The following CNBD1 variants were observed in gnomAD, a reference collection of about 807,000 sequenced individuals.
CNBD1 encodes the protein cyclic nucleotide-binding domain-containing protein 1.
A neutral mutation model predicts 54.4 loss-of-function variants in CNBD1; 71 were observed. The ratio of observed to expected loss-of-function variants is 1.30; its 90% CI spans 1.08 to 1.59. The LOEUF (loss-of-function observed/expected upper bound fraction) is 1.59. Among genes scored for constraint, CNBD1 ranks in the 40% most tolerant of loss-of-function variants. CNBD1 has a pLI of 0.00. For missense variants in CNBD1, 659 were observed against 518.0 expected (o/e 1.27, Z -2.64); for synonymous variants, 182 against 170.7 (o/e 1.07, Z -0.51).
intron 1 of CNBD1, 58 bp from the exon 2 acceptor site, chr8:86,887,484 A>C: frequency 1.9e-6 from 2 of 1,065,926 alleles, no homozygotes; most frequent in Non-Finnish European, 2.8e-6. Context: ...CTCTATTTAC[A>C]CACTTGCTTA....
Position 87,325,141 on chromosome 8 carries a change from A to T in CNBD1, c.1043-26544A>T, listed in dbSNP as rs1234868364. ...AGTGAGATTCTTAATCCTGAGTTCT[A>T]GTTTGATTTCACTGTGGTCTGAGAG... On this transcript the variant is annotated intron_variant, in intron 8 of 10. Transcript: ENST00000518476. 2.1e-5 allele frequency among the ~76,000 whole-genome samples: 2 copies of T among 94,604 alleles called. 1 individual carries two copies. Among genetic ancestry groups the T allele is most frequent in the Non-Finnish European group, 4.1e-5 (2 of 48,518 alleles). 62.1% of individuals were successfully genotyped at this position (94,604 alleles called of 152,430 possible). A position where few individuals can be genotyped will look rare whatever the true frequency, so the allele number is the denominator to read the frequency against.
chr8:86,972,624 A>G lies in CNBD1; in HGVS notation c.431+32870A>G, dbSNP rs34931341. 7.5e-3 allele frequency among the ~76,000 whole-genome samples: 1,141 copies of G among 152,296 alleles called. 6 individuals are homozygous for G. The highest frequency in any genetic ancestry group is 0.018 in the South Asian group (85 of 4,830). ...TAATAGGTAAGATACACAGACACACACACACACATCTTCACCATTTTTCAC... is the reference window on the plus strand; with the variant it reads ...TAATAGGTAAGATACACAGACACACGCACACACATCTTCACCATTTTTCAC... On this transcript the variant is annotated intron_variant, in intron 4 of 10. Coordinates refer to ENST00000518476, the MANE Select transcript of CNBD1 (RefSeq NM_173538.3).
intron 4 of CNBD1, among the ~76,000 whole-genome samples, chr8:87,009,498 C>T (rs1809171453): frequency 6.6e-6 from 1 of 151,974 alleles, no homozygotes; most frequent in Non-Finnish European, 1.5e-5. Flanking sequence ...GATGGGGTTT[C>T]ACCATGTTAG....
intron 4 of CNBD1, among the ~76,000 whole-genome samples, chr8:87,005,603 C>G (rs954898619): frequency 6.6e-6 from 1 of 151,604 alleles, no homozygotes; most frequent in Non-Finnish European, 1.5e-5. Flanking sequence ...TTCTTTTGAC[C>G]TAGGAATTCA....
intron 4 of CNBD1, among the ~76,000 whole-genome samples, chr8:87,199,333 G>T (rs1212385961): frequency 6.6e-6 from 1 of 152,184 alleles, no homozygotes; most frequent in Non-Finnish European, 1.5e-5. Context: ...TTCAACAACA[G>T]ATTTGAGTTG....
intron 4 of CNBD1, among the ~76,000 whole-genome samples, chr8:86,970,965 A>G (rs1808206480): frequency 6.6e-6 from 1 of 152,102 alleles, no homozygotes; most frequent in Non-Finnish European, 1.5e-5. Flanking sequence ...ATTCTTTTTT[A>G]CAGATTACAG....
rs191048322 is a variant in CNBD1 at position 86,978,603 on chromosome 8, C to T, written c.431+38849C>T. On this transcript the variant is annotated intron_variant, in intron 4 of 10. Coordinates refer to ENST00000518476, the MANE Select transcript of CNBD1 (RefSeq NM_173538.3). Reference sequence around the variant, plus strand: ...TGTTGCCCAGGCTGGAGTGCAATGGCGCGATCTTGGCTCACTGCAACCTCC... The same window carrying T: ...TGTTGCCCAGGCTGGAGTGCAATGGTGCGATCTTGGCTCACTGCAACCTCC... 3.0e-4 allele frequency among the ~76,000 whole-genome samples: 42 copies of T among 139,330 alleles called. No homozygotes were observed. The East Asian group carries it at 7.9e-3, about 26-fold the overall frequency. The allele number at this position is 139,330 out of a possible 152,430, so 91.4% of individuals were successfully genotyped here.
Position 87,162,654 on chromosome 8 carries a change from T to C in CNBD1, c.432-43339T>C, listed in dbSNP as rs549734446. Reference sequence around the variant, plus strand: ...ACATAAATTAATTTTTCCACAGCTATGTAAGCTGGAAAGCCCAGATTAAGG... The same window carrying C: ...ACATAAATTAATTTTTCCACAGCTACGTAAGCTGGAAAGCCCAGATTAAGG... On this transcript the variant is annotated intron_variant, in intron 4 of 10. Coordinates refer to ENST00000518476, the MANE Select transcript of CNBD1 (RefSeq NM_173538.3). 1.1e-4 allele frequency among the ~76,000 whole-genome samples: 17 copies of C among 152,214 alleles called. No individual in the cohort carries two copies. In the East Asian group the frequency reaches 3.3e-3, roughly 29 times the overall value.
At chr8:86,921,484 A>G (rs1809275164) in intron 3 of CNBD1, among the ~76,000 whole-genome samples, 1 of 152,160 alleles carries the variant, frequency 6.6e-6, no homozygotes, top group Non-Finnish European at 1.5e-5. Flanking sequence ...GACACAACTG[A>G]GACTTGGTAA....
At chr8:87,394,545 G>A (rs1811374970) in intron 2 of CNBD1, among the ~76,000 whole-genome samples, 1 of 151,878 alleles carries the variant, frequency 6.6e-6, no homozygotes, top group Non-Finnish European at 1.5e-5. Flanking sequence ...AGAAAGGTTA[G>A]CACAATTATT....
rs1451627161 is a variant in CNBD1 at position 87,087,372 on chromosome 8, C to A, written c.432-118621C>A. Among the ~76,000 whole-genome samples, 4 of 148,886 alleles carry A rather than the reference C, an allele frequency of 2.7e-5. No individual in the cohort carries two copies. In the East Asian group the frequency reaches 5.9e-4, roughly 22 times the overall value. ...GGGGATGAAGAGAAATCACTGTTTA[C>A]TTTTAAAAACTAGAGCAAAATATGA... On this transcript the variant is annotated intron_variant, in intron 4 of 10. Coordinates refer to ENST00000518476, the MANE Select transcript of CNBD1 (RefSeq NM_173538.3).
chr8:87,045,402 A>C (rs559167565), intron 4 of CNBD1, among the ~76,000 whole-genome samples: 1 of 152,272 alleles, frequency 6.6e-6, no homozygotes, highest in African/African-American at 2.4e-5. Flanking sequence ...TTTGATTCTT[A>C]AGCACCTGTA....
intron 3 of CNBD1, among the ~76,000 whole-genome samples, chr8:86,912,784 T>C (rs1036866461): frequency 6.6e-6 from 1 of 152,126 alleles, no homozygotes; most frequent in Non-Finnish European, 1.5e-5. Context: ...ATTGTTATCA[T>C]AGGAAATGAC....
chr8:87,207,509 G>A (rs1169382325), intron 5 of CNBD1, among the ~76,000 whole-genome samples: 1 of 151,770 alleles, frequency 6.6e-6, no homozygotes, highest in African/African-American at 2.4e-5. Flanking sequence ...ATACAAGTGG[G>A]TCCAGAAGGA....
chr8:86,952,703 A>T (rs1807655837), intron 4 of CNBD1, among the ~76,000 whole-genome samples: 1 of 152,134 alleles, frequency 6.6e-6, no homozygotes, highest in Non-Finnish European at 1.5e-5. Context: ...CTTTTGATAC[A>T]TGTATAAAGG....
intron 8 of CNBD1, among the ~76,000 whole-genome samples, chr8:87,337,961 T>G (rs1809983165): frequency 6.6e-6 from 1 of 152,162 alleles, no homozygotes; most frequent in Admixed American, 6.5e-5. Flanking sequence ...GTCACCCTTG[T>G]TTTTCTATTT....
At chr8:87,143,167 C>A (rs1334001048) in intron 4 of CNBD1, among the ~76,000 whole-genome samples, 1 of 152,164 alleles carries the variant, frequency 6.6e-6, no homozygotes, top group Non-Finnish European at 1.5e-5. Flanking sequence ...AGCAGGTTCA[C>A]CTGCTTTTGT....
chr8:87,417,226 A>T (rs940206482), intron 2 of CNBD1, among the ~76,000 whole-genome samples: 8 of 151,996 alleles, frequency 5.3e-5, no homozygotes, highest in African/African-American at 1.9e-4. Flanking sequence ...TGCAGGCAAG[A>T]GTGAATGTGG....
At chr8:87,120,825 T>C (rs1249543678) in intron 4 of CNBD1, among the ~76,000 whole-genome samples, 1 of 151,966 alleles carries the variant, frequency 6.6e-6, no homozygotes, top group Non-Finnish European at 1.5e-5. Context: ...ATTAGGAATT[T>C]ATCTGTCTAT....
Sources: allele counts gnomAD v4.1 joint callset (sites outside exome capture counted in the v4.1 genomes callset), GRCh38; gene constraint gnomAD v4.1.1; transcripts MANE v1.5; gene names NCBI Gene and HGNC (gene_info 2026-07-23, HGNC 2026-07-21).